Variants in ARMC8 observed in about 807,000 individuals in gnomAD.
ARMC8 encodes the protein armadillo repeat containing 8.
In ARMC8, 20 loss-of-function variants were observed where a neutral mutation model predicts 99.3. The ratio of observed to expected loss-of-function variants is 0.20; its 90% confidence interval spans 0.14 to 0.29. ARMC8 has a LOEUF of 0.29. ARMC8 is among the 10% of genes least tolerant of loss of function. ARMC8 has a pLI of 1.00. For missense variants in ARMC8, 569 were observed against 809.5 expected (o/e 0.70, Z 3.60); for synonymous variants, 263 against 278.3 (o/e 0.95, Z 0.55).
chr3:138,273,873 G>T (rs2049013348), intron 17 of ARMC8, among the ~76,000 whole-genome samples: 2 of 150,982 alleles, frequency 1.3e-5, no homozygotes, highest in African/African-American at 4.9e-5. Context: ...CTGGAGTGCA[G>T]TGGCACAGTC....
At chr3:138,284,747 C>G (rs1314469026) in intron 19 of ARMC8, among the ~76,000 whole-genome samples, 1 of 152,160 alleles carries the variant, frequency 6.6e-6, no homozygotes, top group Non-Finnish European at 1.5e-5. Flanking sequence ...CAGTCGACTC[C>G]CTGCCCTTGT....
intron 12 of ARMC8, among the ~76,000 whole-genome samples, chr3:138,254,432 A>T (rs1193597761): frequency 3.3e-5 from 5 of 152,220 alleles, no homozygotes; most frequent in Non-Finnish European, 7.3e-5. Context: ...TATAGAGGAT[A>T]GGGGCTGAAC....
At chr3:138,246,637 A>G (rs1576755096) in intron 12 of ARMC8, 11 of 985,682 alleles carry the variant, frequency 1.1e-5, no homozygotes, top group South Asian at 4.7e-5. Context: ...TGAAAGGTAG[A>G]TAGACAGATG....
At chr3:138,263,887 C>T in intron 13 of ARMC8, 66 bp downstream of exon 13, 2 of 1,367,744 alleles carry the variant, frequency 1.5e-6, no homozygotes, top group Non-Finnish European at 1.0e-6. Flanking sequence ...CCTTTCTGGT[C>T]CTTCACTGAG....
intron 12 of ARMC8, among the ~76,000 whole-genome samples, chr3:138,253,470 C>T (rs1008070829): frequency 2.6e-5 from 4 of 152,136 alleles, no homozygotes; most frequent in Non-Finnish European, 5.9e-5. Context: ...TATTACATCA[C>T]TTTATACATG....
chr3:138,256,402 CTTTTTTTTT>C lies in ARMC8; in HGVS notation c.1135-7320_1135-7312del, dbSNP rs71146121. 6.6e-5 allele frequency among the ~76,000 whole-genome samples: 6 copies of C among 90,276 alleles called. No homozygotes were observed. In the East Asian group the frequency reaches 1.6e-3, roughly 25 times the overall value. The allele number at this position is 90,276 out of a possible 152,430, so 59.2% of individuals were successfully genotyped here. On this transcript the variant is annotated intron_variant, in intron 12 of 21. Coordinates refer to ENST00000469044, the MANE Select transcript of ARMC8 (RefSeq NM_001363941.2). ...TAAAGTATATCTTTTTTTCCTCCTT[CTTTTTTTTT>C]TTTTTTTTTTTTTTTTGAGACGGAG...
chr3:138,229,178 A>ATGTATATGTATATG (rs1317802461), intron 6 of ARMC8, 168 bp downstream of exon 6: 1 of 32,100 alleles, frequency 3.1e-5, no homozygotes, highest in Admixed American at 3.5e-4. Flanking sequence ...ATATATATAT[A>ATGTATATGTATATG]TATATGTATA....
At chr3:138,272,117 G>A (rs1440694321) in intron 16 of ARMC8, among the ~76,000 whole-genome samples, 2 of 152,154 alleles carry the variant, frequency 1.3e-5, no homozygotes, top group Non-Finnish European at 2.9e-5. Flanking sequence ...CTAGCCACCC[G>A]GGATTACTGG....
intron 3 of ARMC8, among the ~76,000 whole-genome samples, chr3:138,222,456 C>T (rs939348036): frequency 8.5e-5 from 13 of 152,212 alleles, no homozygotes; most frequent in African/African-American, 3.1e-4. Flanking sequence ...TTTAAGTTAA[C>T]GTAAGAAGTT....
chr3:138,207,996 A>G (rs2044470397), intron 1 of ARMC8, among the ~76,000 whole-genome samples: 1 of 152,166 alleles, frequency 6.6e-6, no homozygotes, highest in Non-Finnish European at 1.5e-5. Context: ...ATGTAGTGGC[A>G]CATACCTGTA....
chr3:138,254,254 ACTT>A lies in ARMC8; in HGVS notation c.1134+9075_1134+9077del, dbSNP rs2047273533. 3.3e-5 allele frequency among the ~76,000 whole-genome samples: 5 copies of A among 152,236 alleles called. No individual in the cohort carries two copies. In the South Asian group the frequency reaches 1.0e-3, roughly 32 times the overall value. ...AAATCCTTGAATCTGTTAATAGGTTACTTCTTTGTCAGTGGTTGTCACTGGAAT... is the reference window on the plus strand; with the variant it reads ...AAATCCTTGAATCTGTTAATAGGTTACTTTGTCAGTGGTTGTCACTGGAAT... On this transcript the variant is annotated intron_variant, in intron 12 of 21. Coordinates refer to ENST00000469044, the MANE Select transcript of ARMC8 (RefSeq NM_001363941.2).
Position 138,255,859 on chromosome 3 carries a change from A to C in ARMC8, c.1135-7880A>C, listed in dbSNP as rs564091520. 3.3e-5 allele frequency among the ~76,000 whole-genome samples: 5 copies of C among 152,290 alleles called. No homozygotes were observed. The East Asian group carries it at 9.7e-4, about 29-fold the overall frequency. On this transcript the variant is annotated intron_variant, in intron 12 of 21. Coordinates refer to ENST00000469044, the MANE Select transcript of ARMC8 (RefSeq NM_001363941.2). ...GCTGGGCGTGGTGGCATGCACCTAT[A>C]ATCTCAGTTACTCAGGAGGCTGAGG...
chr3:138,204,180 G>T (rs965543573), intron 1 of ARMC8, among the ~76,000 whole-genome samples: 1 of 151,946 alleles, frequency 6.6e-6, no homozygotes, highest in Non-Finnish European at 1.5e-5. Context: ...TGCAACCTCC[G>T]CCTCTGTGGA....
At position 138,262,951 on chromosome 3, in the gene ARMC8, A is replaced by C. The variant is rs561699974; in HGVS notation, c.1135-788A>C. On this transcript the variant is annotated intron_variant, in intron 12 of 21. Coordinates refer to ENST00000469044, the MANE Select transcript of ARMC8 (RefSeq NM_001363941.2). ...CTGTATTATCCAGAATAATGCCTAC[A>C]GAAGAGTGAGGGTTAAATTGGGTAA... is the stretch of plus-strand genomic sequence containing the variant. 1.8e-4 allele frequency among the ~76,000 whole-genome samples: 28 copies of C among 152,340 alleles called. No homozygotes were observed. In the South Asian group the frequency reaches 5.8e-3, roughly 32 times the overall value.
intron 14 of ARMC8, among the ~76,000 whole-genome samples, chr3:138,266,436 A>G (rs1377293077): frequency 6.6e-6 from 1 of 152,094 alleles, no homozygotes; most frequent in Non-Finnish European, 1.5e-5. Flanking sequence ...CTGGATTTTT[A>G]TAGTTGAGGA....
At chr3:138,293,315 G>A (rs2051159657) in intron 21 of ARMC8, among the ~76,000 whole-genome samples, 1 of 152,212 alleles carries the variant, frequency 6.6e-6, no homozygotes, top group Admixed American at 6.5e-5. Flanking sequence ...GCCGAGGTAA[G>A]CGGATTATGA....
intron 6 of ARMC8, among the ~76,000 whole-genome samples, chr3:138,233,615 G>A (rs2046175850): frequency 6.6e-6 from 1 of 152,186 alleles, no homozygotes; most frequent in African/African-American, 2.4e-5. Context: ...TTTGGGGATT[G>A]TTACCTATAA....
intron 1 of ARMC8, among the ~76,000 whole-genome samples, chr3:138,192,528 C>T (rs563977335): frequency 4.6e-5 from 7 of 152,236 alleles, no homozygotes; most frequent in South Asian, 2.1e-4. Flanking sequence ...TCACCCTTCT[C>T]GGCCTCCCAG....
In ARMC8 at chr3:138,280,051, G is replaced by T. The variant is rs111417187; in HGVS notation, c.1726-4380G>T. Among the ~76,000 whole-genome samples the T allele has an allele frequency of 9.3e-3, 1,405 of 151,134 alleles. 14 individuals carry two copies. The highest frequency in any genetic ancestry group is 0.033 in the African/African-American group (1,339 of 41,152). On this transcript the variant is annotated intron_variant, in intron 18 of 21. Transcript: ENST00000469044. The stretch of plus-strand genomic sequence containing the variant: ...CCCAAGTAGCTGGGATTACAGGCAC[G>T]TGTCACCACACCCTGCTAATTTTTG...
Sources: gnomAD v4.1 joint callset for allele counts (sites outside exome capture counted in the v4.1 genomes callset) on GRCh38, gnomAD v4.1.1 for gene constraint, MANE v1.5 for transcripts, NCBI Gene and HGNC (gene_info 2026-07-23, HGNC 2026-07-21) for gene names.